Variants in C13orf46 observed in about 807,000 individuals in gnomAD.
C13orf46 encodes uncharacterized protein C13orf46.
At chr13:113,952,153 G>A (rs1340750875), downstream of C13orf46, among the ~76,000 whole-genome samples, 4 of 152,326 alleles carry the variant, frequency 2.6e-5, no homozygotes, top group African/African-American at 7.2e-5. Flanking sequence ...GGGGTGACAC[G>A]GCAGGGAAGA....
intron 2 of C13orf46, among the ~76,000 whole-genome samples, chr13:113,969,557 A>G (rs1486155910): frequency 6.6e-6 from 1 of 152,240 alleles, no homozygotes; most frequent in African/African-American, 2.4e-5. Flanking sequence ...CCATTTGTAA[A>G]TAAGGGGGAC....
chr13:113,946,423 A>T, the C13orf46 span, among the ~76,000 whole-genome samples: 1 of 152,222 alleles, frequency 6.6e-6, no homozygotes, highest in South Asian at 2.1e-4. Flanking sequence ...CAGGCTCTGC[A>T]CGCGGCACAC....
downstream of C13orf46, among the ~76,000 whole-genome samples, chr13:113,952,189 G>C (rs2052491607): frequency 6.6e-6 from 1 of 152,214 alleles, no homozygotes; most frequent in South Asian, 2.1e-4. Flanking sequence ...GGACACAGGT[G>C]TTTGGAGCCC....
At chr13:113,957,669 C>G (rs1456412831) in intron 6 of C13orf46, among the ~76,000 whole-genome samples, 2 of 136,564 alleles carry the variant, frequency 1.5e-5, no homozygotes, top group African/African-American at 5.7e-5. Context: ...ATCAAGCACA[C>G]TGGGGGTCTC....
At chr13:113,973,526 A>C (rs1389886648) in intron 1 of C13orf46, among the ~76,000 whole-genome samples, 1 of 152,172 alleles carries the variant, frequency 6.6e-6, no homozygotes, top group Non-Finnish European at 1.5e-5. Flanking sequence ...ACGACCTGGA[A>C]GCCCCTCCTG....
chr13:113,947,314 C>G, the C13orf46 span, among the ~76,000 whole-genome samples: 2 of 152,264 alleles, frequency 1.3e-5, no homozygotes, highest in Non-Finnish European at 2.9e-5. Context: ...AAAATACTGG[C>G]TGCTGCCAGG....
At chr13:113,934,684 ACCACGCCATCTGGGCC>A in the C13orf46 span, among the ~76,000 whole-genome samples, 1 of 152,220 alleles carries the variant, frequency 6.6e-6, no homozygotes, top group African/African-American at 2.4e-5. Context: ...GGTGATCCTC[ACCACGCCATCTGGGCC>A]CCACTGCTGG....
the C13orf46 span, chr13:113,926,816 T>G: frequency 6.6e-6 from 1 of 152,270 alleles, no homozygotes; most frequent in African/African-American, 2.4e-5. Flanking sequence ...CCTATACATG[T>G]GCAGTGTCAC....
At chr13:113,970,765 CT>C (rs1035605784) in intron 1 of C13orf46, among the ~76,000 whole-genome samples, 2 of 152,104 alleles carry the variant, frequency 1.3e-5, no homozygotes, top group African/African-American at 2.4e-5. Flanking sequence ...TTCTAGCAGT[CT>C]TTTTTCGGGA....
chr13:113,928,480 T>C, the C13orf46 span: 1 of 152,374 alleles, frequency 6.6e-6, no homozygotes. Context: ...CCAAGGGTCC[T>C]GGGAGAGAGA....
At chr13:113,931,328 C>T in the C13orf46 span, among the ~76,000 whole-genome samples, 1 of 152,246 alleles carries the variant, frequency 6.6e-6, no homozygotes, top group African/African-American at 2.4e-5. Flanking sequence ...GCTTCTGTGG[C>T]TCCTGGACAG....
At chr13:113,948,512 C>T in the C13orf46 span, among the ~76,000 whole-genome samples, 1 of 152,330 alleles carries the variant, frequency 6.6e-6, no homozygotes, top group South Asian at 2.1e-4. Flanking sequence ...GGCCACGAAA[C>T]TGACACTGCC....
At chr13:113,965,660 T>C (rs917805742) in intron 5 of C13orf46, among the ~76,000 whole-genome samples, 1 of 150,168 alleles carries the variant, frequency 6.7e-6, no homozygotes, top group Non-Finnish European at 1.5e-5. Flanking sequence ...ACAATGATGA[T>C]GGTGATTATA....
At chr13:113,937,359 C>T in the C13orf46 span, among the ~76,000 whole-genome samples, 2 of 152,236 alleles carry the variant, frequency 1.3e-5, no homozygotes, top group Non-Finnish European at 2.9e-5. Flanking sequence ...CAATCTCAAG[C>T]TTGCCGAGAA....
intron 1 of C13orf46, 57 bp downstream of exon 1, chr13:113,973,751 G>C (rs917392576): frequency 6.6e-6 from 1 of 152,370 alleles, no homozygotes; most frequent in Non-Finnish European, 1.5e-5. Context: ...TTTGGGTTCA[G>C]TGCCTGGTGG....
downstream of C13orf46, among the ~76,000 whole-genome samples, chr13:113,949,165 C>G (rs1363017082): frequency 6.7e-6 from 1 of 150,062 alleles, no homozygotes; most frequent in Non-Finnish European, 1.5e-5. Context: ...GTTGGGGAGC[C>G]CCCAGGCTGG....
chr13:113,944,500 G>A, the C13orf46 span, among the ~76,000 whole-genome samples: 2 of 152,178 alleles, frequency 1.3e-5, no homozygotes, highest in Non-Finnish European at 2.9e-5. Context: ...CCCTGTAGGT[G>A]TGTGATGGGC....
the C13orf46 span, among the ~76,000 whole-genome samples, chr13:113,934,172 G>A: frequency 6.6e-6 from 1 of 152,188 alleles, no homozygotes. Context: ...CCCAGAGTCT[G>A]TTTCTCTCCG....
rs2052505574 is a variant in C13orf46 at position 113,954,538 on chromosome 13, C to T, written c.*2235G>A. ...ACAGTCTCTGTTGCTCTCGCAGTCA[C>T]AGCCGGGGCTCAGCTGCGTCCACCG... On this transcript the variant is annotated 3_prime_UTR_variant, in exon 7 of 7. Coordinates refer to ENST00000636427, the MANE Select transcript of C13orf46 (RefSeq NM_001365455.2). The T allele has an allele frequency of 6.6e-6, 1 of 152,532 alleles. No individual in the cohort carries two copies. The highest frequency in any genetic ancestry group is 6.5e-5 in the Admixed American group (1 of 15,302). 9.4% of individuals were successfully genotyped at this position (152,532 alleles called of 1,614,324 possible).
Sources: allele counts gnomAD v4.1 joint callset (sites outside exome capture counted in the v4.1 genomes callset), GRCh38; gene constraint gnomAD v4.1.1; transcripts MANE v1.5; gene names NCBI Gene and HGNC (gene_info 2026-07-23, HGNC 2026-07-21).